Variants in FREM1 observed in about 807,000 individuals in gnomAD.
The protein encoded by FREM1 is FRAS1-related extracellular matrix protein 1.
Under a neutral mutation model 210.1 loss-of-function variants are expected in FREM1, and 220 were observed. The observed-to-expected ratio is 1.05, with a 90% CI of 0.94 to 1.17. FREM1 has a LOEUF of 1.17. FREM1 is among the 50% of genes most tolerant of loss of function. The pLI is 0.00. For missense variants in FREM1, 3,454 were observed against 2,675.5 expected, an observed-to-expected ratio of 1.29 and a Z score of -6.42; for synonymous variants, 1,189 against 980.2, an observed-to-expected ratio of 1.21 and a Z score of -3.98.
At chr9:14,865,698 T>TGC (rs1554710782) in intron 2 of FREM1, among the ~76,000 whole-genome samples, 10 of 150,524 alleles carry the variant, frequency 6.6e-5, no homozygotes, top group South Asian at 2.1e-4. Flanking sequence ...TGTGTGTGTG[T>TGC]GCACATGCAC....
intron 1 of FREM1, among the ~76,000 whole-genome samples, chr9:14,869,456 G>A (rs1832174211): frequency 6.6e-6 from 1 of 152,164 alleles, no homozygotes; most frequent in Non-Finnish European, 1.5e-5. Flanking sequence ...TTCCGGACTT[G>A]ACATACCGCT....
At chr9:14,892,430 A>C (rs1836989276) in intron 1 of FREM1, among the ~76,000 whole-genome samples, 1 of 152,094 alleles carries the variant, frequency 6.6e-6, no homozygotes, top group African/African-American at 2.4e-5. Context: ...GCCCCTCTTA[A>C]TAAAAGGCAA....
chr9:14,784,245 C>T, intron 24 of FREM1, 125 bp downstream of exon 24: 1 of 822,042 alleles, frequency 1.2e-6, no homozygotes, highest in Non-Finnish European at 1.8e-6. Context: ...TTAAGGTATA[C>T]AGCGTGATGT....
At chr9:14,756,280 T>C in intron 29 of FREM1, 94 bp downstream of exon 29, 1 of 903,982 alleles carries the variant, frequency 1.1e-6, no homozygotes, top group Non-Finnish European at 1.7e-6. Flanking sequence ...GCTAAAGTTG[T>C]GTAACATTCT....
At chr9:14,844,927 C>A (rs1325637190) in intron 8 of FREM1, among the ~76,000 whole-genome samples, 1 of 152,182 alleles carries the variant, frequency 6.6e-6, no homozygotes, top group Non-Finnish European at 1.5e-5. Context: ...CTCTTACATA[C>A]AAGCGAACAC....
In FREM1 at chr9:14,851,285, T is replaced by C. The variant is rs1473343980; in HGVS notation, c.1151A>G (p.Glu384Gly). 6.3e-7 allele frequency: 1 copy of C among 1,576,858 alleles called. No homozygotes were observed. The highest frequency in any genetic ancestry group is 1.8e-5 in the Admixed American group (1 of 56,806). Reference protein sequence around the residue: ...NSSHSERRHDEVELEVYDFFF... With the variant: ...NSSHSERRHDGVELEVYDFFF... ...GGAAGCTTTGTCTCTCCTTCTTACC[T>C]CATCATGTCTCCTCTCAGAATGGCT... The change falls in exon 6 of 37, where the codon GAG (glutamate) becomes GGG (glycine). Residue 384 changes from glutamate (E) to glycine (G), a missense_variant and splice_region_variant. Transcript: ENST00000380880.
chr9:14,845,327 T>TG (rs1490101608), intron 8 of FREM1, among the ~76,000 whole-genome samples: 2 of 152,266 alleles, frequency 1.3e-5, no homozygotes, highest in East Asian at 3.9e-4. Flanking sequence ...TTTTTTGAGA[T>TG]GGAATCTTGC....
chr9:14,874,375 G>C (rs550198951), intron 1 of FREM1, among the ~76,000 whole-genome samples: 3 of 150,364 alleles, frequency 2.0e-5, no homozygotes, highest in Non-Finnish European at 4.4e-5. Flanking sequence ...TATATATTTA[G>C]GATAGTTAGC....
intron 1 of FREM1, among the ~76,000 whole-genome samples, chr9:14,874,266 G>T (rs1253115904): frequency 2.6e-5 from 4 of 151,918 alleles, no homozygotes; most frequent in Non-Finnish European, 5.9e-5. Flanking sequence ...TGACAGTGGG[G>T]TGTTAAAGTC....
intron 25 of FREM1, among the ~76,000 whole-genome samples, chr9:14,771,320 T>G (rs1436731115): frequency 6.6e-6 from 1 of 152,178 alleles, no homozygotes; most frequent in Non-Finnish European, 1.5e-5. Context: ...GCATGTCTTT[T>G]TTCAACTGGC....
intron 1 of FREM1, among the ~76,000 whole-genome samples, chr9:14,883,835 G>C (rs1241699822): frequency 6.6e-6 from 1 of 152,230 alleles, no homozygotes; most frequent in African/African-American, 2.4e-5. Flanking sequence ...CTGATTGCTA[G>C]TATGGGCACC....
chr9:14,779,532 C>A (rs923919), intron 24 of FREM1: 32,989 of 980,630 alleles, frequency 0.034, 596 homozygotes, highest in East Asian at 0.064. Context: ...TCCCTGCAGA[C>A]TGAATTGCAA....
At chr9:14,753,127 T>C (rs1410741895) in intron 29 of FREM1, among the ~76,000 whole-genome samples, 1 of 152,188 alleles carries the variant, frequency 6.6e-6, no homozygotes, top group Non-Finnish European at 1.5e-5. Context: ...GTCCCTGAGA[T>C]ATACAAGCAT....
intron 36 of FREM1, among the ~76,000 whole-genome samples, chr9:14,738,256 T>C (rs1213321632): frequency 6.6e-6 from 1 of 152,128 alleles, no homozygotes; most frequent in African/African-American, 2.4e-5. Flanking sequence ...CTCTCTTTCA[T>C]AATAGAAATA....
intron 1 of FREM1, among the ~76,000 whole-genome samples, chr9:14,884,636 C>G (rs1253976949): frequency 6.6e-6 from 1 of 152,088 alleles, no homozygotes; most frequent in Non-Finnish European, 1.5e-5. Flanking sequence ...TTCAGCTTAA[C>G]TATATGAGCA....
At chr9:14,820,267 G>C (rs1273654462) in intron 13 of FREM1, among the ~76,000 whole-genome samples, 1 of 152,152 alleles carries the variant, frequency 6.6e-6, no homozygotes, top group Non-Finnish European at 1.5e-5. Flanking sequence ...TGCTAACTTT[G>C]TTTAACCTAT....
At chr9:14,756,789 T>C (rs764513945) in intron 28 of FREM1, among the ~76,000 whole-genome samples, 1 of 152,166 alleles carries the variant, frequency 6.6e-6, no homozygotes, top group Non-Finnish European at 1.5e-5. Flanking sequence ...CTATCCCAAT[T>C]TGGTTTTAAA....
intron 28 of FREM1, among the ~76,000 whole-genome samples, chr9:14,757,612 C>T (rs1844653866): frequency 6.6e-6 from 1 of 152,046 alleles, no homozygotes; most frequent in Non-Finnish European, 1.5e-5. Flanking sequence ...CAAATGAGAA[C>T]CGTGTGCAAG....
chr9:14,869,929 A>G (rs1294820262), intron 1 of FREM1, among the ~76,000 whole-genome samples: 1 of 152,244 alleles, frequency 6.6e-6, no homozygotes, highest in Non-Finnish European at 1.5e-5. Flanking sequence ...TATACTATCT[A>G]CAATGCTAAT....
Sources: allele counts gnomAD v4.1 joint callset (sites outside exome capture counted in the v4.1 genomes callset), GRCh38; gene constraint gnomAD v4.1.1; transcripts MANE v1.5; gene names NCBI Gene and HGNC (gene_info 2026-07-23, HGNC 2026-07-21).